CAMK2B: variants seen among roughly 807,000 people sequenced by gnomAD.
CAMK2B encodes the protein calcium/calmodulin dependent protein kinase II beta.
CAMK2B carries 27 observed loss-of-function variants against 93.7 expected under a neutral mutation model. The ratio of observed to expected loss-of-function variants is 0.29; its 90% confidence interval spans 0.21 to 0.40. The LOEUF is 0.40. CAMK2B is among the 10% of genes least tolerant of loss of function. The pLI is 1.00. For synonymous variants in CAMK2B, 374 were observed against 358.8 expected, an observed-to-expected ratio of 1.04 and a Z score of -0.48; for missense variants, 568 against 895.8, an observed-to-expected ratio of 0.63 and a Z score of 4.67.
Position 44,224,886 on chromosome 7 carries a change from A to AG in CAMK2B, c.1597+1629dup, listed in dbSNP as rs1292129553. ...AGCTGGCCACCTGCCACCTGGGCCC[A>AG]GGTGCCCCCAGGGCAGTACCCAGAC... On this transcript the variant is annotated intron_variant, in intron 20 of 23. Transcript: ENST00000395749. This position sits in a 1 kb window ranked among gnomAD's most constrained non-coding sequence, Gnocchi z 4.4. 6.6e-6 allele frequency among the ~76,000 whole-genome samples: 1 copy of AG among 151,964 alleles called. No individual in the cohort carries two copies. Among genetic ancestry groups the AG allele is most frequent in the African/African-American group, 2.4e-5 (1 of 41,370 alleles).
Position 44,279,209 on chromosome 7 carries a change from C to G in CAMK2B, c.160+4922G>C, listed in dbSNP as rs571847135. 7.9e-5 allele frequency among the ~76,000 whole-genome samples: 12 copies of G among 152,296 alleles called. No individual in the cohort carries two copies. The East Asian group carries it at 9.6e-4, about 12-fold the overall frequency. ...TATTTATGCACTGAATGGTAAACAT[C>G]CCAGGGTCTGGGGCCCAGATGGAAC... On this transcript the variant is annotated intron_variant, in intron 2 of 23. Coordinates refer to ENST00000395749, the MANE Select transcript of CAMK2B (RefSeq NM_001220.5).
chr7:44,244,805 C>T (rs995425880), intron 6 of CAMK2B: 13 of 362,700 alleles, frequency 3.6e-5, no homozygotes, highest in African/African-American at 1.3e-4. Flanking sequence ...GCTCCAGCCA[C>T]GCCCTACTGA....
At chr7:44,313,632 G>T (rs757632677) in intron 1 of CAMK2B, among the ~76,000 whole-genome samples, 1 of 150,814 alleles carries the variant, frequency 6.6e-6, no homozygotes, top group Non-Finnish European at 1.5e-5. Flanking sequence ...GGTACAGACG[G>T]CATCTTCCCC....
rs368348818 is a variant in CAMK2B, at chr7:44,238,119, G to C, written c.1021+1470C>G. On this transcript the variant is annotated intron_variant, in intron 13 of 23. Coordinates refer to ENST00000395749, the MANE Select transcript of CAMK2B (RefSeq NM_001220.5). ...ATGCTCACTGCCGTGTGATATGGCT[G>C]AGCTGGGCTGACCTAGCAGGATGGG... Among the ~76,000 whole-genome samples, 10 of 152,344 alleles carry C rather than the reference G, an allele frequency of 6.6e-5. No individual in the cohort carries two copies. The East Asian group carries it at 1.9e-3, about 29-fold the overall frequency.
At chr7:44,284,836 C>A (rs909229539) in intron 1 of CAMK2B, among the ~76,000 whole-genome samples, 3 of 152,168 alleles carry the variant, frequency 2.0e-5, no homozygotes, top group Non-Finnish European at 4.4e-5. Context: ...GTCCTGAGAG[C>A]CTCCACTGTC....
chr7:44,315,407 C>T (rs1794617101), intron 1 of CAMK2B, among the ~76,000 whole-genome samples: 1 of 152,306 alleles, frequency 6.6e-6, no homozygotes, highest in East Asian at 1.9e-4. Context: ...TTATTCTACA[C>T]TCTCAATCCT....
Position 44,325,358 on chromosome 7 carries a change from T to C in CAMK2B, c.64A>G (p.Lys22Glu). 3 of 1,257,310 alleles carry C rather than the reference T, an allele frequency of 2.4e-6. No homozygotes were observed. Among genetic ancestry groups the C allele is most frequent in the South Asian group, 1.6e-5 (1 of 64,328 alleles). 77.9% of individuals were successfully genotyped at this position (1,257,310 alleles called of 1,614,324 possible). The change falls in exon 1 of 24, where the codon AAG becomes GAG. Residue 22 changes from lysine (K) to glutamate (E), a missense_variant and splice_region_variant. By Grantham distance (56) the Lys-to-Glu change is moderately conservative. This residue lies in a region of CAMK2B where 39 missense variants were observed against 43.4 expected (regional missense o/e 0.90). Coordinates refer to ENST00000395749, the MANE Select transcript of CAMK2B (RefSeq NM_001220.5). ...GCCCGCGCGCGCCGCTGCTCTTACT[T>C]GCCAATATCCTCGTAGAGCTGGTAC... ...DEYQLYEDIG[K>E]GAFSVVRRCV...
chr7:44,265,467 G>A (rs1167980308), intron 2 of CAMK2B, among the ~76,000 whole-genome samples: 2 of 152,230 alleles, frequency 1.3e-5, no homozygotes, highest in African/African-American at 4.8e-5. Flanking sequence ...TGAGGGAAAG[G>A]AGGACCTAGG....
chr7:44,284,334 C>T (rs976061023), intron 1 of CAMK2B, 109 bp from the exon 2 acceptor site: 22 of 802,616 alleles, frequency 2.7e-5, no homozygotes, highest in African/African-American at 1.4e-4. Flanking sequence ...ATTCAGCCAC[C>T]GGCCCGGCCT....
At chr7:44,285,927 TTGC>T (rs1207007673) in intron 1 of CAMK2B, among the ~76,000 whole-genome samples, 2 of 151,672 alleles carry the variant, frequency 1.3e-5, no homozygotes, top group African/African-American at 2.4e-5. Context: ...CCGCATTCTC[TTGC>T]TCTGCTTGAT....
chr7:44,230,979 G>C (rs376963161), intron 17 of CAMK2B, 27 bp downstream of exon 17: 2 of 1,550,020 alleles, frequency 1.3e-6, no homozygotes, highest in Admixed American at 2.0e-5. Flanking sequence ...AAGGCCGCTG[G>C]GGGGGCAAGG....
chr7:44,281,140 G>A (rs1479343117), intron 2 of CAMK2B, among the ~76,000 whole-genome samples: 1 of 152,228 alleles, frequency 6.6e-6, no homozygotes, highest in Non-Finnish European at 1.5e-5. Flanking sequence ...CGCGGGAGGC[G>A]CTGGCTTTAA....
intron 6 of CAMK2B, among the ~76,000 whole-genome samples, chr7:44,245,267 T>C (rs543791935): frequency 6.6e-6 from 1 of 152,156 alleles, no homozygotes; most frequent in South Asian, 2.1e-4. Context: ...TCTTTTGCAG[T>C]TCCCTGGGAT....
chr7:44,300,698 AACTCT>A (rs1367967675), intron 1 of CAMK2B, among the ~76,000 whole-genome samples: 1 of 152,242 alleles, frequency 6.6e-6, no homozygotes, highest in Non-Finnish European at 1.5e-5. Context: ...ACTTCAACAC[AACTCT>A]ACCAGAAATG....
intron 1 of CAMK2B, among the ~76,000 whole-genome samples, chr7:44,304,046 T>A (rs1226508261): frequency 2.0e-5 from 3 of 152,140 alleles, no homozygotes; most frequent in South Asian, 4.1e-4. Context: ...AAAAGAGCTA[T>A]CACTATACAC....
chr7:44,301,711 A>G (rs1294884935), intron 1 of CAMK2B, among the ~76,000 whole-genome samples: 1 of 152,052 alleles, frequency 6.6e-6, no homozygotes, highest in African/African-American at 2.4e-5. Flanking sequence ...AGGAAGTCGG[A>G]GGTTGCAGTA....
chr7:44,246,729 C>T (rs1203459287), intron 6 of CAMK2B, among the ~76,000 whole-genome samples: 2 of 152,208 alleles, frequency 1.3e-5, no homozygotes, highest in East Asian at 3.9e-4. Context: ...TGTATACACA[C>T]ATGTGCACAC....
intron 2 of CAMK2B, among the ~76,000 whole-genome samples, chr7:44,272,879 G>A (rs769364565): frequency 3.9e-4 from 60 of 152,236 alleles, no homozygotes; most frequent in Non-Finnish European, 7.8e-4. Context: ...GCGGGGTGCA[G>A]CTCAGCTTTG....
intron 18 of CAMK2B, chr7:44,229,143 G>A (rs898182161): frequency 1.0e-4 from 63 of 630,804 alleles, no homozygotes; most frequent in Middle Eastern, 2.6e-4. Flanking sequence ...ATTGAGGCCC[G>A]AGCCTCCAGG....
Sources: gnomAD v4.1 joint callset for allele counts (sites outside exome capture counted in the v4.1 genomes callset) on GRCh38, gnomAD v4.1.1 for gene constraint, gnomAD v4.1.1 regional missense constraint, Gnocchi (gnomAD v3.1) non-coding constraint, MANE v1.5 for transcripts, NCBI Gene and HGNC (gene_info 2026-07-23, HGNC 2026-07-21) for gene names.